ACTR2: variants seen among roughly 807,000 people sequenced by gnomAD.
ACTR2 encodes the protein actin related protein 2.
A neutral mutation model predicts 50.2 loss-of-function variants in ACTR2; 5 were observed. The ratio of observed to expected loss-of-function variants is 0.10; its 90% CI spans 0.05 to 0.21. The LOEUF (loss-of-function observed/expected upper bound fraction) is 0.21. Among genes scored for constraint, ACTR2 ranks in the 10% least tolerant of loss-of-function variants. The probability of loss-of-function intolerance (pLI) is 1.00; values close to 1 mark genes in which losing one functional copy is unlikely to be tolerated. For missense variants in ACTR2, 180 were observed against 480.6 expected (o/e 0.37, Z 5.85); for synonymous variants, 140 against 162.9 (o/e 0.86, Z 1.07).
At chr2:65,233,347 T>C (rs1331905161) in intron 1 of ACTR2, among the ~76,000 whole-genome samples, 1 of 151,720 alleles carries the variant, frequency 6.6e-6, no homozygotes, top group East Asian at 1.9e-4. Context: ...AATCAGATTG[T>C]CAGTTTTATA....
At chr2:65,239,704 G>A (rs1671807350) in intron 1 of ACTR2, 148 bp from the exon 2 acceptor site, 3 of 625,648 alleles carry the variant, frequency 4.8e-6, no homozygotes, top group Non-Finnish European at 8.7e-6. Context: ...GAGATGTTGC[G>A]ATAGATTGAG....
intron 4 of ACTR2, among the ~76,000 whole-genome samples, chr2:65,252,652 A>T (rs990713307): frequency 1.3e-5 from 2 of 152,020 alleles, no homozygotes; most frequent in African/African-American, 4.8e-5. Context: ...CTCAAAAAAA[A>T]TATGTAAATA....
At position 65,261,507 on chromosome 2, in the gene ACTR2, A is replaced by C. The variant is rs550643955; in HGVS notation, c.881+115A>C. 1.6e-4 allele frequency: 170 copies of C among 1,061,568 alleles called. No individual in the cohort carries two copies. The South Asian group carries it at 1.6e-3, about 10-fold the overall frequency. The allele number at this position is 1,061,568 out of a possible 1,614,324, so 65.8% of individuals were successfully genotyped here. On this transcript the variant is annotated intron_variant, in intron 7 of 8. Coordinates refer to ENST00000260641, the MANE Select transcript of ACTR2 (RefSeq NM_005722.4). Reference sequence around the variant, plus strand: ...ATAGAATGACTAAGTTTATAAACTTACTTGAAATAATTTCAGACTTACGGA... The same window carrying C: ...ATAGAATGACTAAGTTTATAAACTTCCTTGAAATAATTTCAGACTTACGGA...
chr2:65,234,008 T>C (rs752197451), intron 1 of ACTR2, among the ~76,000 whole-genome samples: 12 of 152,026 alleles, frequency 7.9e-5, no homozygotes, highest in Non-Finnish European at 1.8e-4. Flanking sequence ...CTCCCTGGGC[T>C]CAGGTGATCC....
intron 8 of ACTR2, among the ~76,000 whole-genome samples, chr2:65,267,080 T>C (rs1234946374): frequency 6.6e-6 from 1 of 152,088 alleles, no homozygotes; most frequent in African/African-American, 2.4e-5. Context: ...AGTAAAGCAG[T>C]TGAGGTATTT....
Position 65,255,554 on chromosome 2 carries a change from T to C in ACTR2, c.595T>C (p.Leu199=), listed in dbSNP as rs781380403. Reference sequence around the variant, plus strand: ...TATTGTTTTGTACCAGCTACTTCTGTTGCGAGGATACGCCTTCAACCACTC... The same window carrying C: ...TATTGTTTTGTACCAGCTACTTCTGCTGCGAGGATACGCCTTCAACCACTC... ...ITRYLIKLLL[L]RGYAFNHSAD... Residue 199 remains leucine, a synonymous_variant, in exon 6 of 9, where the codon TTG becomes CTG. Transcript: ENST00000260641. The C allele has an allele frequency of 6.2e-7, 1 of 1,613,590 alleles. No homozygotes were observed. Among genetic ancestry groups the C allele is most frequent in the East Asian group, 2.2e-5 (1 of 44,852 alleles).
intron 2 of ACTR2, among the ~76,000 whole-genome samples, chr2:65,240,593 G>A (rs1021456815): frequency 4.6e-5 from 7 of 152,112 alleles, no homozygotes; most frequent in East Asian, 1.9e-4. Context: ...ATGAAAAGAC[G>A]ATCGATTTTT....
rs148655255 is a variant in ACTR2, at chr2:65,235,628, G to A, written c.49-4224G>A. On this transcript the variant is annotated intron_variant, in intron 1 of 8. Coordinates refer to ENST00000260641, the MANE Select transcript of ACTR2 (RefSeq NM_005722.4). ...AAATTAGCCAGGTGCAGTGGCGAGCGCCTGTAATCCCATCTACTCAGGAGG... is the reference window on the plus strand; with the variant it reads ...AAATTAGCCAGGTGCAGTGGCGAGCACCTGTAATCCCATCTACTCAGGAGG... Among the ~76,000 whole-genome samples the A allele has an allele frequency of 3.0e-3, 458 of 152,194 alleles. 16 individuals are homozygous for A. The East Asian group carries it at 0.062, about 21-fold the overall frequency.
intron 8 of ACTR2, among the ~76,000 whole-genome samples, chr2:65,268,058 C>T (rs556488058): frequency 1.1e-4 from 17 of 151,572 alleles, no homozygotes; most frequent in South Asian, 4.2e-4. Flanking sequence ...AGGATGGTCT[C>T]GATCTCCTGA....
intron 4 of ACTR2, among the ~76,000 whole-genome samples, chr2:65,253,273 CT>C (rs1342890631): frequency 1.3e-5 from 2 of 152,010 alleles, no homozygotes; most frequent in Non-Finnish European, 2.9e-5. Context: ...AACTCTGTCT[CT>C]ACAAAAAAAT....
Position 65,268,593 on chromosome 2 carries a change from C to T in ACTR2, c.1044C>T (p.Pro348=). The change falls in exon 9 of 9, where the codon CCC becomes CCT. Residue 348 remains proline, a synonymous_variant. Coordinates refer to ENST00000260641, the MANE Select transcript of ACTR2 (RefSeq NM_005722.4). The part of the protein sequence containing the change: ...SKFKIRIEDP[P]RRKHMVFLGG... ...TTAAGATCCGCATTGAAGACCCACC[C>T]CGCAGAAAGCACATGGTATTCCTGG... is the stretch of plus-strand genomic sequence containing the variant. The T allele has an allele frequency of 6.2e-7, 1 of 1,613,620 alleles. No homozygotes were observed. Among genetic ancestry groups the T allele is most frequent in the Non-Finnish European group, 8.5e-7 (1 of 1,179,866 alleles).
intron 1 of ACTR2, among the ~76,000 whole-genome samples, chr2:65,239,461 A>G (rs1221173359): frequency 6.6e-6 from 1 of 152,248 alleles, no homozygotes; most frequent in African/African-American, 2.4e-5. Context: ...TCTCAAAACA[A>G]AAACAAAAAA....
intron 1 of ACTR2, among the ~76,000 whole-genome samples, chr2:65,239,024 T>C (rs1457494447): frequency 6.6e-6 from 1 of 152,224 alleles, no homozygotes; most frequent in East Asian, 1.9e-4. Context: ...AATACGGTGA[T>C]ATTAGTTTAA....
chr2:65,260,487 C>G (rs1164932611), intron 6 of ACTR2, among the ~76,000 whole-genome samples: 1 of 152,162 alleles, frequency 6.6e-6, no homozygotes, highest in East Asian at 1.9e-4. Flanking sequence ...GCCTGGGCGA[C>G]AAGAGAAACT....
intron 3 of ACTR2, among the ~76,000 whole-genome samples, chr2:65,250,075 T>C (rs541712396): frequency 6.6e-6 from 1 of 152,198 alleles, no homozygotes; most frequent in African/African-American, 2.4e-5. Context: ...AATTAAAAGA[T>C]ATTTCCCGGC....
At chr2:65,236,639 G>T (rs539699093) in intron 1 of ACTR2, among the ~76,000 whole-genome samples, 3 of 152,032 alleles carry the variant, frequency 2.0e-5, no homozygotes, top group African/African-American at 7.2e-5. Flanking sequence ...GGAGTGCAGT[G>T]GCGTGATCTC....
intron 2 of ACTR2, chr2:65,242,602 C>T (rs752066787): frequency 2.0e-6 from 1 of 496,154 alleles, no homozygotes; most frequent in Non-Finnish European, 4.0e-6. Flanking sequence ...ATCATCCTTA[C>T]TGATGAGCAG....
intron 7 of ACTR2, among the ~76,000 whole-genome samples, chr2:65,262,018 A>G (rs997558462): frequency 1.3e-5 from 2 of 151,928 alleles, no homozygotes; most frequent in African/African-American, 4.8e-5. Context: ...TTCCATTTGT[A>G]TGTCTTTTGA....
chr2:65,261,375 A>C lies in ACTR2; in HGVS notation c.864A>C (p.Ala288=). Residue 288 remains alanine, a synonymous_variant, in exon 7 of 9, where the codon GCA becomes GCC. Coordinates refer to ENST00000260641, the MANE Select transcript of ACTR2 (RefSeq NM_005722.4). The part of the protein sequence containing the change: ...VAELLFNTIQ[A]ADIDTRSEFY... ...AATTGCTTTTTAACACAATTCAGGC[A>C]GCTGACATTGATACCAGGTACATTA... is the stretch of plus-strand genomic sequence containing the variant. 2 of 1,613,938 alleles carry C rather than the reference A, an allele frequency of 1.2e-6. No individual in the cohort carries two copies. Among genetic ancestry groups the C allele is most frequent in the South Asian group, 2.2e-5 (2 of 91,046 alleles).
Sources: gnomAD v4.1 joint callset for allele counts (sites outside exome capture counted in the v4.1 genomes callset) on GRCh38, gnomAD v4.1.1 for gene constraint, MANE v1.5 for transcripts, NCBI Gene and HGNC (gene_info 2026-07-23, HGNC 2026-07-21) for gene names.